Variants in CD247 observed in about 807,000 individuals in gnomAD.
CD247 encodes T-cell surface glycoprotein CD3 zeta chain.
Under a neutral mutation model 30.0 loss-of-function variants are expected in CD247, and 13 were observed. The ratio of observed to expected loss-of-function variants is 0.43; its 90% confidence interval spans 0.28 to 0.69. CD247 has a LOEUF of 0.69. Ranked by LOEUF, CD247 falls within the 30% of genes least tolerant of loss-of-function variation. The pLI is 0.16. For synonymous variants in CD247, 72 were observed against 80.0 expected (o/e 0.90, Z 0.53); for missense variants, 193 against 212.6 (o/e 0.91, Z 0.57).
At chr1:167,459,075 C>T (rs141898716) in intron 1 of CD247, among the ~76,000 whole-genome samples, 5,833 of 150,220 alleles carry the variant, frequency 0.039, 159 homozygotes, top group Middle Eastern at 0.068. Flanking sequence ...GGGGAGGTTG[C>T]GGTGAGCCGA....
chr1:167,504,465 C>T (rs1475591462), intron 1 of CD247, among the ~76,000 whole-genome samples: 3 of 152,182 alleles, frequency 2.0e-5, no homozygotes, highest in African/African-American at 4.8e-5. Context: ...ATATTTCTGA[C>T]GATGAAATGT....
intron 1 of CD247, among the ~76,000 whole-genome samples, chr1:167,478,803 A>G (rs1335708624): frequency 3.3e-5 from 5 of 152,248 alleles, no homozygotes; most frequent in Non-Finnish European, 5.9e-5. Flanking sequence ...CTATGATTTG[A>G]TAAATAAAGG....
At chr1:167,490,830 G>A (rs1430500967) in intron 1 of CD247, among the ~76,000 whole-genome samples, 4 of 151,924 alleles carry the variant, frequency 2.6e-5, no homozygotes, top group Non-Finnish European at 5.9e-5. Context: ...CAGGAGAATC[G>A]TTTGAACATG....
intron 1 of CD247, among the ~76,000 whole-genome samples, chr1:167,512,407 A>G (rs901924342): frequency 4.6e-5 from 7 of 152,118 alleles, no homozygotes; most frequent in Admixed American, 4.6e-4. Flanking sequence ...GGGGTGGGGT[A>G]AGGATCGGGG....
chr1:167,437,340 G>A (rs1218085158), intron 4 of CD247, among the ~76,000 whole-genome samples: 1 of 152,094 alleles, frequency 6.6e-6, no homozygotes, highest in Non-Finnish European at 1.5e-5. Flanking sequence ...TAGAGGCAGA[G>A]GTTGTGGTGA....
At chr1:167,462,721 G>A (rs1253652944) in intron 1 of CD247, among the ~76,000 whole-genome samples, 1 of 152,116 alleles carries the variant, frequency 6.6e-6, no homozygotes, top group African/African-American at 2.4e-5. Flanking sequence ...AGTAAAAGGG[G>A]GCCAGGGCAA....
chr1:167,458,181 C>G (rs1206167095), intron 1 of CD247, among the ~76,000 whole-genome samples: 3 of 152,236 alleles, frequency 2.0e-5, no homozygotes, highest in African/African-American at 7.2e-5. Context: ...ATCCAGTGTT[C>G]AAGCTGGTCA....
At chr1:167,448,418 G>A (rs888606819) in intron 1 of CD247, 102 of 985,368 alleles carry the variant, frequency 1.0e-4, no homozygotes, top group Admixed American at 1.8e-4. Context: ...TCCCAGGATC[G>A]AACCATTATA....
intron 1 of CD247, among the ~76,000 whole-genome samples, chr1:167,502,297 C>G (rs1157277542): frequency 2.0e-5 from 3 of 152,164 alleles, no homozygotes; most frequent in African/African-American, 7.2e-5. Context: ...ATTGAGCCAC[C>G]CTAGAAACAA....
chr1:167,484,897 T>C (rs1654138933), intron 1 of CD247, among the ~76,000 whole-genome samples: 1 of 152,248 alleles, frequency 6.6e-6, no homozygotes, highest in African/African-American at 2.4e-5. Flanking sequence ...AGGGACTGCC[T>C]GGTCCTTGGC....
chr1:167,495,287 T>C (rs911252245), intron 1 of CD247, among the ~76,000 whole-genome samples: 1 of 152,186 alleles, frequency 6.6e-6, no homozygotes, highest in Non-Finnish European at 1.5e-5. Flanking sequence ...GGTTGTTACC[T>C]TACAGTTTGC....
chr1:167,514,447 C>G lies in CD247; in HGVS notation c.58+3961G>C, dbSNP rs76013537. On this transcript the variant is annotated intron_variant, in intron 1 of 7. Coordinates refer to ENST00000362089, the MANE Select transcript of CD247 (RefSeq NM_198053.3). Reference sequence around the variant, plus strand: ...TGATAATTATTGCACATTGACTCTGCTCCAGGTACCATGCTAAGTGCTGGG... The same window carrying G: ...TGATAATTATTGCACATTGACTCTGGTCCAGGTACCATGCTAAGTGCTGGG... Among the ~76,000 whole-genome samples, 698 of 152,314 alleles carry G rather than the reference C, an allele frequency of 4.6e-3. 8 individuals carry two copies. Among genetic ancestry groups the G allele is most frequent in the African/African-American group, 0.016 (673 of 41,560 alleles).
rs35129871 is a variant in CD247, at chr1:167,483,292, A to C, written c.58+35116T>G. 3.1e-3 allele frequency among the ~76,000 whole-genome samples: 478 copies of C among 152,122 alleles called. 2 individuals are homozygous for C. Among genetic ancestry groups the C allele is most frequent in the African/African-American group, 0.011 (457 of 41,504 alleles). ...CAAAATGTTAGGATTACAGGCGTGAACCACCGCACCCAGTGAGCTAACCAA... is the reference window on the plus strand; with the variant it reads ...CAAAATGTTAGGATTACAGGCGTGACCCACCGCACCCAGTGAGCTAACCAA... On this transcript the variant is annotated intron_variant, in intron 1 of 7. Transcript: ENST00000362089.
intron 1 of CD247, among the ~76,000 whole-genome samples, chr1:167,486,552 C>T (rs1299098767): frequency 2.6e-5 from 4 of 152,240 alleles, no homozygotes; most frequent in African/African-American, 4.8e-5. Context: ...GGGCCCGCCT[C>T]GAGTTTGCGG....
intron 1 of CD247, among the ~76,000 whole-genome samples, chr1:167,447,982 G>A (rs370847578): frequency 7.4e-5 from 11 of 149,002 alleles, no homozygotes; most frequent in East Asian, 6.4e-4. Flanking sequence ...GGGTGGGGGC[G>A]GTGTCTGTGT....
In CD247 at chr1:167,518,440, G is replaced by T. The variant is rs200420054; in HGVS notation, c.26C>A (p.Ala9Glu). The T allele has an allele frequency of 6.2e-6, 10 of 1,614,034 alleles. No homozygotes were observed. The highest frequency in any genetic ancestry group is 8.5e-6 in the Non-Finnish European group (10 of 1,180,036). The change falls in exon 1 of 8, where the codon GCG becomes GAG. Residue 9 changes from alanine to glutamate, a missense_variant. Transcript: ENST00000362089. Reference sequence around the variant, plus strand: ...CGGCAACTGTGCCTGCAGGATGGCCGCGGTGAAAAGCGCCTTCCACTTCAT... The same window carrying T: ...CGGCAACTGTGCCTGCAGGATGGCCTCGGTGAAAAGCGCCTTCCACTTCAT... Reference protein sequence around the residue: MKWKALFTAAILQAQLPIT... With the variant: MKWKALFTEAILQAQLPIT...
intron 1 of CD247, among the ~76,000 whole-genome samples, chr1:167,507,818 G>A (rs574128517): frequency 1.4e-5 from 2 of 147,362 alleles, no homozygotes; most frequent in South Asian, 2.2e-4. Context: ...CCTGAGTGAA[G>A]AAGGGAGACC....
At chr1:167,446,888 A>G (rs915746687) in intron 1 of CD247, among the ~76,000 whole-genome samples, 2 of 152,166 alleles carry the variant, frequency 1.3e-5, no homozygotes, top group Admixed American at 1.3e-4. Context: ...CCAGCTGCTC[A>G]GGAGGCTGAG....
chr1:167,511,963 G>T (rs1655405779), intron 1 of CD247, among the ~76,000 whole-genome samples: 1 of 152,120 alleles, frequency 6.6e-6, no homozygotes, highest in Admixed American at 6.6e-5. Flanking sequence ...AACTGTAAAG[G>T]GATGGCTGCA....
Sources: gnomAD v4.1 joint callset for allele counts (sites outside exome capture counted in the v4.1 genomes callset) on GRCh38, gnomAD v4.1.1 for gene constraint, MANE v1.5 for transcripts, NCBI Gene and HGNC (gene_info 2026-07-23, HGNC 2026-07-21) for gene names.